The following NREP variants were observed in gnomAD, a reference collection of about 807,000 sequenced individuals.
NREP encodes neuronal regeneration-related protein.
In NREP, 5 loss-of-function variants were observed where a neutral mutation model predicts 8.6. The observed-to-expected ratio is 0.58, with a 90% confidence interval of 0.30 to 1.22. The LOEUF (loss-of-function observed/expected upper bound fraction) is 1.22, where lower values mean the gene tolerates loss of function less well. NREP is among the 50% of genes most tolerant of loss of function. The probability of loss-of-function intolerance (pLI) is 0.07; values close to 1 mark genes in which losing one functional copy is unlikely to be tolerated. For missense variants in NREP, 86 were observed against 82.5 expected, an observed-to-expected ratio of 1.04 and a Z score of -0.17; for synonymous variants, 27 against 28.0, an observed-to-expected ratio of 0.96 and a Z score of 0.11.
At chr5:111,922,429 G>A (rs1489351635) in intron 2 of NREP, among the ~76,000 whole-genome samples, 1 of 152,076 alleles carries the variant, frequency 6.6e-6, no homozygotes, top group Non-Finnish European at 1.5e-5. Context: ...GTTTGACATC[G>A]AAATGCTTCC....
intron 2 of NREP, among the ~76,000 whole-genome samples, chr5:111,880,667 C>A (rs1754032039): frequency 6.7e-6 from 1 of 149,498 alleles, no homozygotes. Flanking sequence ...AGGGTTAGGA[C>A]TTAACATATG....
At chr5:111,951,858 A>G (rs79866778) in intron 2 of NREP, among the ~76,000 whole-genome samples, 1,658 of 152,172 alleles carry the variant, frequency 0.011, 34 homozygotes, top group African/African-American at 0.038. Flanking sequence ...GAGGTATGCC[A>G]TATGTTTTCG....
chr5:111,801,371 A>G (rs1367834332), intron 2 of NREP, among the ~76,000 whole-genome samples: 1 of 152,214 alleles, frequency 6.6e-6, no homozygotes, highest in African/African-American at 2.4e-5. Context: ...CCTGCTTTAA[A>G]TTCGAAAAGA....
intron 2 of NREP, among the ~76,000 whole-genome samples, chr5:111,879,857 G>A (rs1754006102): frequency 6.6e-6 from 1 of 152,146 alleles, no homozygotes; most frequent in Non-Finnish European, 1.5e-5. Flanking sequence ...GACAGTGCAA[G>A]TGCTCTGGCA....
intron 2 of NREP, among the ~76,000 whole-genome samples, chr5:111,937,650 AC>A (rs1755720421): frequency 6.6e-6 from 1 of 151,998 alleles, no homozygotes; most frequent in South Asian, 2.1e-4. Context: ...GGTAGAAAGG[AC>A]CCATCTATTT....
intron 2 of NREP, among the ~76,000 whole-genome samples, chr5:111,872,425 G>T (rs1753811900): frequency 1.3e-5 from 2 of 152,080 alleles, no homozygotes; most frequent in Admixed American, 6.6e-5. Context: ...CACCCTCATG[G>T]AAACACCTAT....
At chr5:111,847,408 C>T (rs953975488) in intron 2 of NREP, among the ~76,000 whole-genome samples, 2 of 152,134 alleles carry the variant, frequency 1.3e-5, no homozygotes, top group Non-Finnish European at 2.9e-5. Flanking sequence ...CTAATTAGTT[C>T]CCCAAGGTCT....
At chr5:111,765,074 G>T (rs6887988) in intron 2 of NREP, among the ~76,000 whole-genome samples, 108,387 of 151,932 alleles carry the variant, frequency 0.71, 38,767 homozygotes, top group Non-Finnish European at 0.75. Flanking sequence ...CCAACCTTTT[G>T]GGCAACAGGG....
At chr5:111,779,331 T>G (rs941271979) in intron 2 of NREP, among the ~76,000 whole-genome samples, 1 of 152,182 alleles carries the variant, frequency 6.6e-6, no homozygotes, top group Non-Finnish European at 1.5e-5. Flanking sequence ...TAGACGCCAG[T>G]GTGCATCCTG....
chr5:111,896,870 G>A (rs532371871), intron 2 of NREP, among the ~76,000 whole-genome samples: 2 of 152,154 alleles, frequency 1.3e-5, no homozygotes, highest in Non-Finnish European at 2.9e-5. Flanking sequence ...ACTAACAGAA[G>A]ATATTTGAGT....
At chr5:111,883,434 G>T (rs1038340079) in intron 2 of NREP, among the ~76,000 whole-genome samples, 1 of 152,014 alleles carries the variant, frequency 6.6e-6, no homozygotes, top group Non-Finnish European at 1.5e-5. Flanking sequence ...AGTTAACAAG[G>T]ATACCCAGGA....
Position 111,804,802 on chromosome 5 carries a change from C to G in NREP, c.136-69295G>C, listed in dbSNP as rs536712382. Among the ~76,000 whole-genome samples, 96 of 152,122 alleles carry G rather than the reference C, an allele frequency of 6.3e-4. 1 individual carries two copies. Among genetic ancestry groups the G allele is most frequent in the African/African-American group, 2.1e-3 (87 of 41,520 alleles). ...GGATCACGAGGTCAGGAGATAGAGACCATCCTGGCTAACACGGAGAAACCC... is the reference window on the plus strand; with the variant it reads ...GGATCACGAGGTCAGGAGATAGAGAGCATCCTGGCTAACACGGAGAAACCC... On this transcript the variant is annotated intron_variant, in intron 2 of 3. Transcript: ENST00000395634.
chr5:111,743,034 T>C (rs1749779829), intron 2 of NREP, among the ~76,000 whole-genome samples: 1 of 152,014 alleles, frequency 6.6e-6, no homozygotes, highest in Non-Finnish European at 1.5e-5. Context: ...TTTTCAGCAA[T>C]GAAGAGAAAA....
chr5:111,771,852 G>A (rs1276140048), intron 2 of NREP, among the ~76,000 whole-genome samples: 4 of 151,596 alleles, frequency 2.6e-5, no homozygotes, highest in African/African-American at 9.7e-5. Context: ...CTATCCTAAT[G>A]AAAACCAAAA....
intron 2 of NREP, among the ~76,000 whole-genome samples, chr5:111,967,690 G>T (rs1159238625): frequency 6.6e-6 from 1 of 152,100 alleles, no homozygotes; most frequent in Non-Finnish European, 1.5e-5. Flanking sequence ...CATCTGGGAT[G>T]TGAGGATCGC....
In NREP at chr5:111,860,841, T is replaced by G. The variant is rs573636487; in HGVS notation, c.135+114433A>C. ...AAATAAACAAATCTTTCAAAAACAC[T>G]TAGGAAACATTTGTAACATGGCTTT... is the stretch of plus-strand genomic sequence containing the variant. On this transcript the variant is annotated intron_variant, in intron 2 of 3. Coordinates refer to the NREP transcript ENST00000395634. Among the ~76,000 whole-genome samples the G allele has an allele frequency of 3.3e-5, 5 of 152,186 alleles. No homozygotes were observed. In the South Asian group the frequency reaches 1.0e-3, roughly 32 times the overall value.
At chr5:111,817,061 C>A (rs540410149) in intron 2 of NREP, among the ~76,000 whole-genome samples, 1 of 152,134 alleles carries the variant, frequency 6.6e-6, no homozygotes, top group East Asian at 1.9e-4. Context: ...TTTAATTATG[C>A]TATTTAAACT....
chr5:111,813,407 G>A (rs530220864), intron 2 of NREP, among the ~76,000 whole-genome samples: 1 of 152,206 alleles, frequency 6.6e-6, no homozygotes, highest in Non-Finnish European at 1.5e-5. Flanking sequence ...ACCAAATCCT[G>A]TGAGTTAGTA....
chr5:111,821,379 AT>A (rs1203186490), intron 2 of NREP, among the ~76,000 whole-genome samples: 1 of 151,654 alleles, frequency 6.6e-6, no homozygotes, highest in Non-Finnish European at 1.5e-5. Context: ...AAAAAAAAAA[AT>A]CAACTCCTGT....
Sources: allele counts gnomAD v4.1 joint callset (sites outside exome capture counted in the v4.1 genomes callset), GRCh38; gene constraint gnomAD v4.1.1; transcripts MANE v1.5; gene names NCBI Gene and HGNC (gene_info 2026-07-23, HGNC 2026-07-21).